Variants in TAC4 observed in about 807,000 individuals in gnomAD.
The protein encoded by TAC4 is tachykinin precursor 4.
In TAC4, 17 loss-of-function variants were observed where a neutral mutation model predicts 17.7. That is an observed-to-expected ratio of 0.96 (90% CI 0.66 to 1.44). The LOEUF is 1.44. Among genes scored for constraint, TAC4 ranks in the 40% most tolerant of loss-of-function variants. The probability of loss-of-function intolerance (pLI) is 0.00; values close to 1 mark genes in which losing one functional copy is unlikely to be tolerated. For missense variants in TAC4, 118 were observed against 125.6 expected, an observed-to-expected ratio of 0.94 and a Z score of 0.29; for synonymous variants, 62 against 52.4, an observed-to-expected ratio of 1.18 and a Z score of -0.79.
At chr17:49,847,692 GACACACACACACAC>G (rs150685532) in intron 1 of TAC4, 70 of 434,258 alleles carry the variant, frequency 1.6e-4, no homozygotes, top group East Asian at 5.4e-4. Flanking sequence ...CACACACACA[GACACACACACACAC>G]ACACACACAC....
chr17:49,843,925 C>T, intron 2 of TAC4, 139 bp downstream of exon 2: 1 of 728,706 alleles, frequency 1.4e-6, no homozygotes, highest in Non-Finnish European at 2.5e-6. Context: ...CAGTCTGTGC[C>T]ACCCCATCTC....
intron 4 of TAC4, 56 bp downstream of exon 4, chr17:49,839,792 CAA>C (rs1043653054): frequency 6.5e-7 from 1 of 1,530,204 alleles, no homozygotes; most frequent in African/African-American, 1.4e-5. Context: ...AGACTGGCAG[CAA>C]AGTGTCTGGC....
At chr17:49,846,998 C>T in intron 1 of TAC4, 2 of 1,290,082 alleles carry the variant, frequency 1.6e-6, no homozygotes, top group African/African-American at 1.5e-5. Flanking sequence ...GCTGCCCTCT[C>T]CTCACTGCAC....
intron 3 of TAC4, among the ~76,000 whole-genome samples, chr17:49,840,437 G>A (rs911200187): frequency 6.6e-6 from 1 of 152,176 alleles, no homozygotes; most frequent in African/African-American, 2.4e-5. Flanking sequence ...GCGGTGAGTC[G>A]CATTAGGGGA....
At chr17:49,838,793 C>T (rs2074475954) in intron 4 of TAC4, 120 bp from the exon 5 acceptor site, 2 of 936,574 alleles carry the variant, frequency 2.1e-6, no homozygotes, top group Non-Finnish European at 3.3e-6. Flanking sequence ...TCTCTCCTTT[C>T]TGGAGATATC....
intron 4 of TAC4, among the ~76,000 whole-genome samples, chr17:49,838,936 A>C (rs2074477082): frequency 6.6e-6 from 1 of 152,154 alleles, no homozygotes; most frequent in African/African-American, 2.4e-5. Flanking sequence ...AGTCCTGGGA[A>C]CATGGCGGGT....
At chr17:49,844,006 T>G in intron 2 of TAC4, 58 bp downstream of exon 2, 1 of 1,528,424 alleles carries the variant, frequency 6.5e-7, no homozygotes, top group Non-Finnish European at 9.1e-7. Context: ...CTCTGCTTTA[T>G]GTTGCAGAAC....
chr17:49,840,030 A>G, intron 3 of TAC4, 121 bp from the exon 4 acceptor site: 3 of 783,632 alleles, frequency 3.8e-6, no homozygotes, highest in Non-Finnish European at 6.3e-6. Flanking sequence ...GGGGCCTTGC[A>G]AATGGGATCA....
At chr17:49,840,643 C>G (rs985946741) in intron 3 of TAC4, among the ~76,000 whole-genome samples, 2 of 151,938 alleles carry the variant, frequency 1.3e-5, no homozygotes, top group Non-Finnish European at 2.9e-5. Flanking sequence ...GCTGGGATGA[C>G]AGGCACCCGC....
At chr17:49,847,671 AC>A (rs2074553621) in intron 1 of TAC4, 1 of 289,680 alleles carries the variant, frequency 3.5e-6, no homozygotes, top group African/African-American at 3.4e-5. Context: ...AGTATTTCTT[AC>A]ACACACACAC....
intron 1 of TAC4, 95 bp downstream of exon 1, chr17:49,847,818 G>A: frequency 1.3e-6 from 2 of 1,599,594 alleles, no homozygotes; most frequent in Non-Finnish European, 1.7e-6. Flanking sequence ...TGCTCTCCCA[G>A]CAGCCATGCA....
intron 3 of TAC4, among the ~76,000 whole-genome samples, chr17:49,840,296 T>C (rs1243989777): frequency 1.3e-5 from 2 of 152,096 alleles, no homozygotes; most frequent in Non-Finnish European, 2.9e-5. Flanking sequence ...GACAGTGTAG[T>C]GCAGTGTGCC....
intron 3 of TAC4, among the ~76,000 whole-genome samples, chr17:49,841,303 C>T (rs1001470393): frequency 2.8e-5 from 4 of 141,048 alleles, no homozygotes; most frequent in Non-Finnish European, 4.5e-5. Flanking sequence ...AATTTTGAAA[C>T]GCTGGTCGAA....
At chr17:49,846,156 C>G (rs1321469559) in intron 1 of TAC4, 1 of 1,255,604 alleles carries the variant, frequency 8.0e-7, no homozygotes, top group African/African-American at 1.6e-5. Flanking sequence ...ACTCCTGCCC[C>G]CAGCCGGAGC....
chr17:49,840,863 G>C (rs1482916862), intron 3 of TAC4, among the ~76,000 whole-genome samples: 2 of 148,556 alleles, frequency 1.3e-5, no homozygotes, highest in East Asian at 4.0e-4. Context: ...GATTTAAGCA[G>C]AGTAGTGGCT....
chr17:49,844,570 C>T (rs761330863), intron 1 of TAC4, among the ~76,000 whole-genome samples: 6 of 151,918 alleles, frequency 3.9e-5, no homozygotes, highest in Non-Finnish European at 8.8e-5. Flanking sequence ...CCAGCCTGGC[C>T]AACATGGTGA....
At chr17:49,844,224 A>C (rs1023053094) in intron 1 of TAC4, 67 bp from the exon 2 acceptor site, 5 of 1,476,476 alleles carry the variant, frequency 3.4e-6, no homozygotes, top group Non-Finnish European at 4.7e-6. Context: ...CAGCCTGGGC[A>C]ATGGCAATCT....
intron 3 of TAC4, 142 bp from the exon 4 acceptor site, chr17:49,840,051 A>T: frequency 1.5e-6 from 1 of 674,838 alleles, no homozygotes; most frequent in Non-Finnish European, 2.6e-6. Context: ...TTTCTCTGTC[A>T]TCCCGAGAGG....
chr17:49,847,280 C>T, intron 1 of TAC4: 1 of 1,281,294 alleles, frequency 7.8e-7, no homozygotes, highest in Non-Finnish European at 1.0e-6. Flanking sequence ...TGTCCCTTGT[C>T]TGATTAGGGA....
Sources: gnomAD v4.1 joint callset for allele counts (sites outside exome capture counted in the v4.1 genomes callset) on GRCh38, gnomAD v4.1.1 for gene constraint, MANE v1.5 for transcripts, NCBI Gene and HGNC (gene_info 2026-07-23, HGNC 2026-07-21) for gene names.